The following TFB2M variants were observed in gnomAD, a reference collection of about 807,000 sequenced individuals.
The protein encoded by TFB2M is dimethyladenosine transferase 2, mitochondrial.
A neutral mutation model predicts 41.3 loss-of-function variants in TFB2M; 44 were observed. That is an observed-to-expected ratio of 1.07 (90% confidence interval 0.84 to 1.37). TFB2M has a LOEUF of 1.37. TFB2M is among the 40% of genes most tolerant of loss of function. The pLI is 0.00. For synonymous variants in TFB2M, 188 were observed against 176.8 expected (o/e 1.06, Z -0.50); for missense variants, 496 against 490.2 (o/e 1.01, Z -0.11).
intron 6 of TFB2M, among the ~76,000 whole-genome samples, chr1:246,545,049 C>T (rs369475984): frequency 0.016 from 2,106 of 129,610 alleles, 12 homozygotes; most frequent in Middle Eastern, 0.031. Flanking sequence ...TCGTGATCCG[C>T]CCGCCTCGGC....
At chr1:246,549,373 G>A (rs1659110292) in intron 5 of TFB2M, among the ~76,000 whole-genome samples, 1 of 152,176 alleles carries the variant, frequency 6.6e-6, no homozygotes, top group Non-Finnish European at 1.5e-5. Flanking sequence ...CTTGAGCTCA[G>A]GGGTTCAAGG....
At chr1:246,542,969 C>T (rs1465413377) in intron 7 of TFB2M, among the ~76,000 whole-genome samples, 8 of 133,224 alleles carry the variant, frequency 6.0e-5, no homozygotes, top group Admixed American at 1.6e-4. Flanking sequence ...GTCTTGTTGG[C>T]GCTCTCTGCC....
chr1:246,544,725 C>A, intron 6 of TFB2M, 44 bp from the exon 7 acceptor site: 1 of 1,539,300 alleles, frequency 6.5e-7, no homozygotes. Flanking sequence ...CAAAATATTG[C>A]CAGAGTAAGA....
chr1:246,565,982 G>A lies in TFB2M; in HGVS notation c.157C>T (p.Pro53Ser), dbSNP rs1659654446. The A allele has an allele frequency of 6.2e-7, 1 of 1,614,030 alleles. No individual in the cohort carries two copies. The highest frequency in any genetic ancestry group is 1.1e-5 in the South Asian group (1 of 91,080). The change falls in exon 1 of 8, where the codon CCC (proline) becomes TCC (serine). Residue 53 changes from proline (P) to serine (S), a missense_variant. By Grantham distance (74) the Pro-to-Ser change is moderately conservative. Coordinates refer to ENST00000366514, the MANE Select transcript of TFB2M (RefSeq NM_022366.3). ...GGCGGATTCCTGAAATCCGGTTCGG[G>A]CCACAGCTGCGGAGAGGAGTCAGAG... ...GLSDSSPQLW[P>S]EPDFRNPPRK...
Position 246,544,640 on chromosome 1 carries a change from T to C in TFB2M, c.900A>G (p.Gln300=), listed in dbSNP as rs1658950556. Residue 300 remains glutamine (Q), a synonymous_variant, in exon 7 of 8, where the codon CAA becomes CAG. Transcript: ENST00000366514. The stretch of plus-strand genomic sequence containing the variant: ...TAAATAAATTTTGACGAGGAATCAT[T>C]TGAATAAGATACAGCTTTTGTTGTA... ...DQLQQKLYLI[Q]MIPRQNLFTK... is the part of the protein sequence containing the mutation. 2 of 1,606,664 alleles carry C rather than the reference T, an allele frequency of 1.2e-6. No individual in the cohort carries two copies. Among genetic ancestry groups the C allele is most frequent in the African/African-American group, 1.3e-5 (1 of 74,408 alleles).
chr1:246,545,654 A>G (rs1659000201), intron 6 of TFB2M, among the ~76,000 whole-genome samples: 1 of 152,054 alleles, frequency 6.6e-6, no homozygotes, highest in South Asian at 2.1e-4. Context: ...CTCTACAAAC[A>G]GTACAAAAAT....
At chr1:246,546,877 C>T (rs3124125) in intron 6 of TFB2M, among the ~76,000 whole-genome samples, 93,648 of 151,698 alleles carry the variant, frequency 0.62, 30,914 homozygotes, top group Middle Eastern at 0.78. Context: ...ATATCAAAGA[C>T]ACATGTGAAA....
At chr1:246,545,213 G>C (rs1031600460) in intron 6 of TFB2M, among the ~76,000 whole-genome samples, 1 of 152,154 alleles carries the variant, frequency 6.6e-6, no homozygotes, top group South Asian at 2.1e-4. Flanking sequence ...TGAGGGAGGA[G>C]ATAACGTCTC....
At chr1:246,553,810 A>T (rs999100897) in intron 4 of TFB2M, among the ~76,000 whole-genome samples, 4 of 152,268 alleles carry the variant, frequency 2.6e-5, no homozygotes, top group African/African-American at 4.8e-5. Context: ...CGCAATCCCT[A>T]GGAAAATCCT....
rs921142200 is a variant in TFB2M at position 246,556,783 on chromosome 1, AT to A, written c.557-63del. On this transcript the variant is annotated intron_variant, in intron 3 of 7. Transcript: ENST00000366514. ...TCTTAGCATTTTGTCCTATGTCCAT[AT>A]TTTTTTGAGACAAACTAAGTTAACA... 1.3e-4 allele frequency: 176 copies of A among 1,382,220 alleles called. No individual in the cohort carries two copies. In the African/African-American group the frequency reaches 2.2e-3, roughly 18 times the overall value. 85.6% of individuals were successfully genotyped at this position (1,382,220 alleles called of 1,614,324 possible).
At chr1:246,562,905 G>A (rs538409013) in intron 2 of TFB2M, among the ~76,000 whole-genome samples, 7 of 152,064 alleles carry the variant, frequency 4.6e-5, no homozygotes, top group South Asian at 2.1e-4. Flanking sequence ...TGATCCGCCC[G>A]CCTCTGCCTC....
rs539424553 is a variant in TFB2M at position 246,540,833 on chromosome 1, T to C, written c.*198A>G. The C allele has an allele frequency of 2.2e-6, 1 of 463,102 alleles. No individual in the cohort carries two copies. The highest frequency in any genetic ancestry group is 3.4e-5 in the East Asian group (1 of 29,280). 28.7% of individuals were successfully genotyped at this position (463,102 alleles called of 1,614,324 possible). A position where few individuals can be genotyped will look rare whatever the true frequency, so the allele number is the denominator to read the frequency against. ...CCACAATTAATTGAAGTTTTCATTT[T>C]ATTCAATTGTGAATAAAATAGCAGA... On this transcript the variant is annotated 3_prime_UTR_variant, in exon 8 of 8. Coordinates refer to ENST00000366514, the MANE Select transcript of TFB2M (RefSeq NM_022366.3).
chr1:246,551,506 C>T (rs749270398), intron 4 of TFB2M, among the ~76,000 whole-genome samples: 11 of 151,952 alleles, frequency 7.2e-5, no homozygotes, highest in South Asian at 4.2e-4. Flanking sequence ...TGCTTGAGCC[C>T]AGGCATTTGG....
At chr1:246,542,013 C>A (rs139609158) in intron 7 of TFB2M, among the ~76,000 whole-genome samples, 189 of 152,218 alleles carry the variant, frequency 1.2e-3, no homozygotes, top group African/African-American at 4.1e-3. Flanking sequence ...TGTGATATAG[C>A]CTATTACAGA....
Position 246,566,181 on chromosome 1 carries a change from C to A in TFB2M, c.-43G>T. 1.3e-6 allele frequency: 2 copies of A among 1,571,500 alleles called. No individual in the cohort carries two copies. On this transcript the variant is annotated 5_prime_UTR_variant, in exon 1 of 8. Coordinates refer to ENST00000366514, the MANE Select transcript of TFB2M (RefSeq NM_022366.3). Reference sequence around the variant, plus strand: ...CCGCTCCAAGAATCACCTAGTGCAGCTACTACAGTGAACCCCACGCAGGGT... The same window carrying A: ...CCGCTCCAAGAATCACCTAGTGCAGATACTACAGTGAACCCCACGCAGGGT...
In TFB2M at chr1:246,551,302, T is replaced by C; in HGVS notation, c.706A>G (p.Lys236Glu). The change falls in exon 5 of 8, where the codon AAA becomes GAA. Residue 236 changes from lysine (K) to glutamate (E), a missense_variant and splice_region_variant. Physicochemically the swap from Lys to Glu is moderately conservative, Grantham distance 56 (BLOSUM62 1). Transcript: ENST00000366514. ...GGATTTCCGGGATCTGCCATTAGTT[T>C]CTAGTAAAAGGAAAATAAAAATTAC... ...NMFIGEKEFQ[K>E]LMADPGNPDL... The C allele has an allele frequency of 1.2e-6, 2 of 1,606,998 alleles. No individual in the cohort carries two copies. Among genetic ancestry groups the C allele is most frequent in the Non-Finnish European group, 1.7e-6 (2 of 1,173,654 alleles).
chr1:246,555,002 CAACA>C (rs1417882718), intron 4 of TFB2M, among the ~76,000 whole-genome samples: 2 of 152,046 alleles, frequency 1.3e-5, no homozygotes, highest in African/African-American at 4.8e-5. Flanking sequence ...TAAAACTCAG[CAACA>C]AACAAAATAA....
chr1:246,552,595 AG>A (rs1659215019), intron 4 of TFB2M, among the ~76,000 whole-genome samples: 1 of 152,094 alleles, frequency 6.6e-6, no homozygotes, highest in Non-Finnish European at 1.5e-5. Flanking sequence ...AGCTACAGGG[AG>A]GCTGAGGCAG....
intron 2 of TFB2M, among the ~76,000 whole-genome samples, chr1:246,563,115 T>C (rs1297897025): frequency 1.3e-5 from 2 of 151,872 alleles, no homozygotes; most frequent in African/African-American, 4.8e-5. Context: ...CCCAGGAGAC[T>C]GAAAGCCTGC....
Sources: gnomAD v4.1 joint callset for allele counts (sites outside exome capture counted in the v4.1 genomes callset) on GRCh38, gnomAD v4.1.1 for gene constraint, MANE v1.5 for transcripts, NCBI Gene and HGNC (gene_info 2026-07-23, HGNC 2026-07-21) for gene names.